PLXNA4: variants seen among roughly 807,000 people sequenced by gnomAD.
PLXNA4 encodes plexin A4, also known as plexin-A4.
A neutral mutation model predicts 191.8 loss-of-function variants in PLXNA4; 44 were observed. That is an observed-to-expected ratio of 0.23 (90% confidence interval 0.18 to 0.29). The LOEUF is 0.29. PLXNA4 is among the 10% of genes least tolerant of loss of function. The pLI is 1.00. For missense variants in PLXNA4, 1,800 were observed against 2,488.8 expected, an observed-to-expected ratio of 0.72 and a Z score of 5.89; for synonymous variants, 1,082 against 1,009.5, an observed-to-expected ratio of 1.07 and a Z score of -1.36.
intron 2 of PLXNA4, among the ~76,000 whole-genome samples, chr7:132,593,762 GA>G (rs1802649677): frequency 6.6e-6 from 1 of 152,244 alleles, no homozygotes; most frequent in African/African-American, 2.4e-5. Flanking sequence ...CCCAGAGAGG[GA>G]AACAAGTGCT....
At chr7:132,356,050 C>T (rs1444773053) in intron 3 of PLXNA4, among the ~76,000 whole-genome samples, 1 of 152,052 alleles carries the variant, frequency 6.6e-6, no homozygotes, top group Non-Finnish European at 1.5e-5. Context: ...TTTGAACGTG[C>T]ATTAATGGAC....
Position 132,265,873 on chromosome 7 carries a change from T to C in PLXNA4, c.1504-24707A>G, listed in dbSNP as rs148026666. 4.2e-4 allele frequency among the ~76,000 whole-genome samples: 64 copies of C among 152,260 alleles called. No individual in the cohort carries two copies. The East Asian group carries it at 0.012, about 29-fold the overall frequency. Reference sequence around the variant, plus strand: ...CTTGGGGAATCCACAAACCACATGGTCACACCCTTAATGCCGAAGAGCAGG... The same window carrying C: ...CTTGGGGAATCCACAAACCACATGGCCACACCCTTAATGCCGAAGAGCAGG... On this transcript the variant is annotated intron_variant, in intron 4 of 31. Transcript: ENST00000321063.
intron 1 of PLXNA4, among the ~76,000 whole-genome samples, chr7:132,526,606 C>A (rs892135780): frequency 6.6e-6 from 1 of 152,214 alleles, no homozygotes; most frequent in East Asian, 1.9e-4. Context: ...GCCTGTAGTG[C>A]ATGTACTCCT....
intron 1 of PLXNA4, among the ~76,000 whole-genome samples, chr7:132,518,298 G>A (rs1212992256): frequency 6.6e-6 from 1 of 152,172 alleles, no homozygotes; most frequent in African/African-American, 2.4e-5. Context: ...CCACTAGGGG[G>A]AAAAGTCAAG....
At chr7:132,585,666 G>A (rs1802493961) in intron 2 of PLXNA4, among the ~76,000 whole-genome samples, 1 of 152,226 alleles carries the variant, frequency 6.6e-6, no homozygotes, top group African/African-American at 2.4e-5. Context: ...GAGGTTGGAA[G>A]TCTGAGATGA....
intron 3 of PLXNA4, among the ~76,000 whole-genome samples, chr7:132,460,344 G>A (rs1474753215): frequency 1.3e-5 from 2 of 150,714 alleles, no homozygotes; most frequent in Admixed American, 6.6e-5. Flanking sequence ...CAGCCTGGGT[G>A]ACAGACTGAG....
chr7:132,597,924 T>C, intron 2 of PLXNA4, among the ~76,000 whole-genome samples: 1 of 152,028 alleles, frequency 6.6e-6, no homozygotes, highest in East Asian at 1.9e-4. Context: ...CGTATGCTTC[T>C]ACCACATTTT....
At chr7:132,602,470 G>T (rs1005398827) in intron 2 of PLXNA4, among the ~76,000 whole-genome samples, 1 of 152,152 alleles carries the variant, frequency 6.6e-6, no homozygotes, top group African/African-American at 2.4e-5. Context: ...GTTATGGGGA[G>T]TTTCTCAGAG....
intron 2 of PLXNA4, among the ~76,000 whole-genome samples, chr7:132,492,856 G>A (rs1209209378): frequency 6.6e-6 from 1 of 152,218 alleles, no homozygotes; most frequent in Non-Finnish European, 1.5e-5. Flanking sequence ...GATATTTCAT[G>A]TTGATTTTTT....
intron 1 of PLXNA4, among the ~76,000 whole-genome samples, chr7:132,648,298 A>C (rs894455106): frequency 5.3e-5 from 8 of 152,206 alleles, no homozygotes; most frequent in Non-Finnish European, 1.0e-4. Flanking sequence ...GATTACTGAG[A>C]CTAGTGACTT....
intron 3 of PLXNA4, among the ~76,000 whole-genome samples, chr7:132,424,098 A>G (rs1046620779): frequency 6.6e-6 from 1 of 152,086 alleles, no homozygotes; most frequent in African/African-American, 2.4e-5. Context: ...GAGAAGGCTG[A>G]GACGTTGAAA....
chr7:132,597,278 T>C (rs1802728884), intron 2 of PLXNA4, among the ~76,000 whole-genome samples: 1 of 152,190 alleles, frequency 6.6e-6, no homozygotes, highest in South Asian at 2.1e-4. Flanking sequence ...CAATAGTTTG[T>C]TGTCTTCTCT....
intron 4 of PLXNA4, among the ~76,000 whole-genome samples, chr7:132,279,048 G>A (rs933276028): frequency 6.6e-6 from 1 of 152,138 alleles, no homozygotes; most frequent in African/African-American, 2.4e-5. Flanking sequence ...GCTCCCAGAG[G>A]GTATAGAGCT....
chr7:132,644,544 G>A (rs1434237731), intron 2 of PLXNA4, among the ~76,000 whole-genome samples: 5 of 152,184 alleles, frequency 3.3e-5, no homozygotes, highest in South Asian at 2.1e-4. Context: ...CAAAGGGGCT[G>A]GGTGACCAGA....
At position 132,492,238 on chromosome 7, in the gene PLXNA4, C is replaced by T. The variant is rs1001111830; in HGVS notation, c.1189-2764G>A. Reference sequence around the variant, plus strand: ...CCACCTCTGCCACAAACATAGGCCTCATTAGCCTGAGGAGGCTTCAGGCCT... The same window carrying T: ...CCACCTCTGCCACAAACATAGGCCTTATTAGCCTGAGGAGGCTTCAGGCCT... On this transcript the variant is annotated intron_variant, in intron 2 of 31. Coordinates refer to ENST00000321063, the MANE Select transcript of PLXNA4 (RefSeq NM_020911.2). 5.3e-5 allele frequency among the ~76,000 whole-genome samples: 8 copies of T among 152,184 alleles called. No individual in the cohort carries two copies. In the East Asian group the frequency reaches 1.5e-3, roughly 29 times the overall value.
At chr7:132,281,362 A>C (rs1488075167) in intron 4 of PLXNA4, among the ~76,000 whole-genome samples, 1 of 152,132 alleles carries the variant, frequency 6.6e-6, no homozygotes, top group Non-Finnish European at 1.5e-5. Flanking sequence ...CAGCTAGTAG[A>C]TTTCCATCTT....
chr7:132,453,777 T>C (rs1324918434), intron 3 of PLXNA4, among the ~76,000 whole-genome samples: 1 of 152,212 alleles, frequency 6.6e-6, no homozygotes, highest in Non-Finnish European at 1.5e-5. Flanking sequence ...CCTGACTTTG[T>C]GACCTGCTCA....
At chr7:132,132,381 TGTTC>T (rs1563047755) in intron 31 of PLXNA4, among the ~76,000 whole-genome samples, 4 of 42,612 alleles carry the variant, frequency 9.4e-5, no homozygotes, top group Non-Finnish European at 1.4e-4. Flanking sequence ...ACATTCTATT[TGTTC>T]TGTTCTGTTC....
chr7:132,596,728 G>A (rs894268847), intron 2 of PLXNA4, among the ~76,000 whole-genome samples: 4 of 152,028 alleles, frequency 2.6e-5, no homozygotes, highest in Non-Finnish European at 5.9e-5. Flanking sequence ...GGAAGAAGGA[G>A]GTCAGGGAGA....
Sources: gnomAD v4.1 joint callset for allele counts (sites outside exome capture counted in the v4.1 genomes callset) on GRCh38, gnomAD v4.1.1 for gene constraint, MANE v1.5 for transcripts, NCBI Gene and HGNC (gene_info 2026-07-23, HGNC 2026-07-21) for gene names.